SOX13: variants seen among roughly 807,000 people sequenced by gnomAD.
SOX13 encodes the protein SRY-box transcription factor 13.
Under a neutral mutation model 71.8 loss-of-function variants are expected in SOX13, and 28 were observed. The observed-to-expected ratio is 0.39, with a 90% CI of 0.29 to 0.53. The LOEUF is 0.53. Ranked by LOEUF, SOX13 falls within the 20% of genes least tolerant of loss-of-function variation. The pLI is 0.70. For synonymous variants in SOX13, 309 were observed against 317.8 expected, an observed-to-expected ratio of 0.97 and a Z score of 0.29; for missense variants, 627 against 810.3, an observed-to-expected ratio of 0.77 and a Z score of 2.75.
At chr1:204,076,581 A>T (rs144817449) in intron 1 of SOX13, among the ~76,000 whole-genome samples, 4 of 152,310 alleles carry the variant, frequency 2.6e-5, no homozygotes, top group South Asian at 2.1e-4. Context: ...AGGACTCTGC[A>T]AATGCATAGC....
rs371990607 is a variant in SOX13, at chr1:204,125,908, G to A, written c.1643G>A (p.Arg548Gln). ...AGCTCCTCAGATGTCCTGTACCCTC[G>A]GGCAGCAGGCATGCCGCTGGCACAG... ...QMSSSDVLYPRAAGMPLAQPL... is the reference protein window; with the variant it reads ...QMSSSDVLYPQAAGMPLAQPL... The change falls in exon 14 of 14, where the codon CGG (arginine) becomes CAG (glutamine). Residue 548 changes from arginine (R) to glutamine (Q), a missense_variant. By Grantham distance (43) the Arg-to-Gln change is conservative (BLOSUM62 1). Transcript: ENST00000367204. The A allele has an allele frequency of 8.1e-6, 13 of 1,612,988 alleles. No homozygotes were observed. Among genetic ancestry groups the A allele is most frequent in the African/African-American group, 8.0e-5 (6 of 74,900 alleles).
intron 1 of SOX13, among the ~76,000 whole-genome samples, chr1:204,077,188 G>T (rs143484397): frequency 6.6e-6 from 1 of 152,334 alleles, no homozygotes; most frequent in African/African-American, 2.4e-5. Flanking sequence ...GAAAGCCCCT[G>T]AGGCCAGAAC....
chr1:204,125,953 T>C lies in SOX13; in HGVS notation c.1688T>C (p.Val563Ala). Reference protein sequence around the residue: ...PLAQPLVEHYVPRSLDPNMPV... With the variant: ...PLAQPLVEHYAPRSLDPNMPV... Reference sequence around the variant, plus strand: ...GCACAGCCACTGGTGGAGCACTATGTCCCTCGTAGCCTGGACCCCAACATG... The same window carrying C: ...GCACAGCCACTGGTGGAGCACTATGCCCCTCGTAGCCTGGACCCCAACATG... The change falls in exon 14 of 14, where the codon GTC becomes GCC. Residue 563 changes from valine to alanine, a missense_variant. Physicochemically the swap from Val to Ala is moderately conservative, Grantham distance 64. Around this residue, in one of 3 missense-constraint regions of SOX13, gnomAD observed 148 missense variants for 192.7 expected, o/e 0.77. Transcript: ENST00000367204. 2 of 1,613,882 alleles carry C rather than the reference T, an allele frequency of 1.2e-6. No individual in the cohort carries two copies. The highest frequency in any genetic ancestry group is 8.5e-7 in the Non-Finnish European group (1 of 1,179,862).
chr1:204,118,058 G>GACA, intron 7 of SOX13: 1 of 189,058 alleles, frequency 5.3e-6, no homozygotes, highest in Non-Finnish European at 1.1e-5. Flanking sequence ...AGGCCGAAGT[G>GACA]GGTGGATCAC....
intron 1 of SOX13, among the ~76,000 whole-genome samples, chr1:204,091,962 G>A (rs990042302): frequency 2.6e-5 from 4 of 151,842 alleles, no homozygotes; most frequent in Non-Finnish European, 4.4e-5. Context: ...TCTTTCTTTC[G>A]TTCTCTGTCT....
chr1:204,089,310 G>C (rs927923154), intron 1 of SOX13, among the ~76,000 whole-genome samples: 1 of 152,154 alleles, frequency 6.6e-6, no homozygotes, highest in African/African-American at 2.4e-5. Flanking sequence ...AGCCCCGTGT[G>C]GGGAGGCACT....
intron 1 of SOX13, among the ~76,000 whole-genome samples, chr1:204,090,909 G>A (rs899176342): frequency 6.6e-6 from 1 of 152,148 alleles, no homozygotes; most frequent in Non-Finnish European, 1.5e-5. Flanking sequence ...CTGTGGGGTG[G>A]GAAGGGATGG....
In SOX13 at chr1:204,074,001, ACGCG is replaced by A. The variant is rs1450275960; in HGVS notation, c.-2+305_-2+308del. The A allele has an allele frequency of 9.4e-3, 1,283 of 136,328 alleles. 14 individuals carry two copies. Among genetic ancestry groups the A allele is most frequent in the South Asian group, 0.032 (137 of 4,234 alleles). The allele number at this position is 136,328 out of a possible 1,614,324, so 8.4% of individuals were successfully genotyped here. A position where few individuals can be genotyped will look rare whatever the true frequency, so the allele number is the denominator to read the frequency against. On this transcript the variant is annotated intron_variant, in intron 1 of 13. Transcript: ENST00000367204. Reference sequence around the variant, plus strand: ...TGTGTGTGTGTGTGTGTGTGTGTGTACGCGCGCGCGCGCGCGCGTTCACCACGCG... The same window carrying A: ...TGTGTGTGTGTGTGTGTGTGTGTGTACGCGCGCGCGCGCGTTCACCACGCG...
Position 204,117,159 on chromosome 1 carries a change from A to T in SOX13, c.629A>T (p.His210Leu). Reference protein sequence around the residue: ...KQQQQLIQQQHKINLLQQQIQ... With the variant: ...KQQQQLIQQQLKINLLQQQIQ... ...CAGCAGCAGCTGATTCAGCAGCAGC[A>T]TAAGATCAACCTCCTTCAGCAGCAG... Residue 210 changes from histidine (H) to leucine (L), a missense_variant, in exon 6 of 14, where the codon CAT (histidine) becomes CTT (leucine). Coordinates refer to ENST00000367204, the MANE Select transcript of SOX13 (RefSeq NM_005686.3). 2 of 1,614,014 alleles carry T rather than the reference A, an allele frequency of 1.2e-6. No homozygotes were observed. The highest frequency in any genetic ancestry group is 1.7e-6 in the Non-Finnish European group (2 of 1,179,882).
chr1:204,119,288 A>G (rs1390185879), intron 7 of SOX13: 1 of 152,234 alleles, frequency 6.6e-6, no homozygotes, highest in Non-Finnish European at 1.5e-5. Flanking sequence ...TGTGGCTCAT[A>G]AACAACAGAT....
intron 1 of SOX13, among the ~76,000 whole-genome samples, chr1:204,102,785 T>C (rs1656387238): frequency 6.6e-6 from 1 of 151,946 alleles, no homozygotes; most frequent in Non-Finnish European, 1.5e-5. Context: ...ATGGGGTAGG[T>C]GTTATTTGTT....
rs907270885 is a variant in SOX13, at chr1:204,120,216, C to T, written c.776-1684C>T. 5.3e-5 allele frequency among the ~76,000 whole-genome samples: 8 copies of T among 152,226 alleles called. No homozygotes were observed. In the East Asian group the frequency reaches 1.5e-3, roughly 29 times the overall value. On this transcript the variant is annotated intron_variant, in intron 7 of 13. Transcript: ENST00000367204. The stretch of plus-strand genomic sequence containing the variant: ...GCCCAATGTGGAAGTTTCCAGTTAG[C>T]TGGGGGAATGGGGAGTGGAGAAGGT...
intron 1 of SOX13, among the ~76,000 whole-genome samples, chr1:204,103,513 A>C (rs992505777): frequency 6.6e-6 from 1 of 152,254 alleles, no homozygotes; most frequent in Non-Finnish European, 1.5e-5. Flanking sequence ...ATGTGAATGA[A>C]GAGCCTTTCA....
rs201088152 is a variant in SOX13 at position 204,122,319 on chromosome 1, T to G, written c.944T>G (p.Met315Arg). 3.9e-4 allele frequency: 611 copies of G among 1,575,194 alleles called. 6 individuals are homozygous for G. The highest frequency in any genetic ancestry group is 2.6e-3 in the South Asian group (226 of 86,022). The change falls in exon 9 of 14, where the codon ATG becomes AGG. Residue 315 changes from methionine (M) to arginine (R), a missense_variant. By Grantham distance (91) the Met-to-Arg change is moderately conservative. Around this residue, in one of 3 missense-constraint regions of SOX13, gnomAD observed 447 missense variants for 532.2 expected, o/e 0.84. Transcript: ENST00000367204. Reference protein sequence around the residue: ...PNTSSSPSLKMSSCVPRPPSH... With the variant: ...PNTSSSPSLKRSSCVPRPPSH... ...ACCTCCAGCTCCCCAAGCCTGAAGA[T>G]GAGCAGCTGTGTGCCCCGCCCCCCC...
At chr1:204,116,163 C>T (rs933701468) in intron 4 of SOX13, 38 of 1,256,170 alleles carry the variant, frequency 3.0e-5, no homozygotes, top group Non-Finnish European at 3.6e-5. Flanking sequence ...TGGATCCCTC[C>T]GATGGGATGG....
At chr1:204,106,837 A>G (rs1009972200) in intron 1 of SOX13, among the ~76,000 whole-genome samples, 2 of 147,508 alleles carry the variant, frequency 1.4e-5, no homozygotes, top group Non-Finnish European at 2.9e-5. Context: ...TAAAGGTATC[A>G]TTACCAATTG....
At chr1:204,102,769 A>G (rs976616007) in intron 1 of SOX13, among the ~76,000 whole-genome samples, 1 of 152,078 alleles carries the variant, frequency 6.6e-6, no homozygotes, top group East Asian at 1.9e-4. Flanking sequence ...AGTCTTCTCT[A>G]TCTCTATGGG....
In SOX13 at chr1:204,112,797, T is replaced by C. The variant is rs1188409800; in HGVS notation, c.-1-118T>C. ...CTTGCCCTTTCTGTGAGTGTGCCCA[T>C]GTGACAGGCACCAGGAGGCACTTGG... On this transcript the variant is annotated intron_variant, in intron 1 of 13. Transcript: ENST00000367204. 1.3e-4 allele frequency: 90 copies of C among 704,864 alleles called. 1 individual carries two copies. In the Admixed American group the frequency reaches 2.6e-3, roughly 20 times the overall value. 43.7% of individuals were successfully genotyped at this position (704,864 alleles called of 1,614,324 possible).
chr1:204,104,959 A>G (rs897910621), intron 1 of SOX13, among the ~76,000 whole-genome samples: 1 of 151,936 alleles, frequency 6.6e-6, no homozygotes, highest in African/African-American at 2.4e-5. Context: ...GTGGCTGGTG[A>G]TTTGTTTTGG....
Sources: allele counts gnomAD v4.1 joint callset (sites outside exome capture counted in the v4.1 genomes callset), GRCh38; gene constraint gnomAD v4.1.1; regional missense constraint gnomAD v4.1.1; transcripts MANE v1.5; gene names NCBI Gene and HGNC (gene_info 2026-07-23, HGNC 2026-07-21).